ANK3: variants seen among roughly 807,000 people sequenced by gnomAD.
ANK3 encodes the protein ankyrin-3.
A neutral mutation model predicts 370.9 loss-of-function variants in ANK3; 57 were observed. That is an observed-to-expected ratio of 0.15 (90% CI 0.12 to 0.19). The LOEUF is 0.19. ANK3 is among the 10% of genes least tolerant of loss of function. The pLI is 1.00. For missense variants in ANK3, 4,439 were observed against 5,302.1 expected (o/e 0.84, Z 5.06); for synonymous variants, 1,929 against 1,946.3 (o/e 0.99, Z 0.23).
rs546980765 is a variant in ANK3, at chr10:60,105,892, C to T, written c.3328+13G>A. 12 of 1,597,268 alleles carry T rather than the reference C, an allele frequency of 7.5e-6. No homozygotes were observed. Among genetic ancestry groups the T allele is most frequent in the African/African-American group, 5.4e-5 (4 of 73,888 alleles). ...TGCAGACATTTACAGAACCAAGGAG[C>T]CATCATTATTACCTTCATCCATGCC... On this transcript the variant is annotated intron_variant, in intron 28 of 43. Transcript: ENST00000280772.
intron 1 of ANK3, among the ~76,000 whole-genome samples, chr10:60,693,748 G>C (rs549399639): frequency 6.6e-6 from 1 of 152,150 alleles, no homozygotes; most frequent in Admixed American, 6.5e-5. Flanking sequence ...AAACCCATCT[G>C]TACATCACCA....
chr10:60,156,596 T>C (rs1160235587), intron 23 of ANK3, among the ~76,000 whole-genome samples: 2 of 152,156 alleles, frequency 1.3e-5, no homozygotes, highest in Non-Finnish European at 2.9e-5. Context: ...TGACTTCCTT[T>C]GCCAGAAAGA....
chr10:60,389,901 C>T (rs1329503074), upstream of ANK3: 4 of 971,106 alleles, frequency 4.1e-6, no homozygotes, highest in Non-Finnish European at 4.9e-6. Flanking sequence ...GGGAATGCTG[C>T]AAAGGATGCT....
At chr10:60,731,399 G>A (rs1253917495) in intron 1 of ANK3, among the ~76,000 whole-genome samples, 1 of 152,112 alleles carries the variant, frequency 6.6e-6, no homozygotes, top group Non-Finnish European at 1.5e-5. Flanking sequence ...TATCTGCTAT[G>A]GAGTGTAACA....
chr10:60,643,994 C>T (rs1470247978), intron 1 of ANK3, among the ~76,000 whole-genome samples: 1 of 152,260 alleles, frequency 6.6e-6, no homozygotes, highest in Non-Finnish European at 1.5e-5. Flanking sequence ...AAAAATATCC[C>T]CTCCTGGCCC....
At chr10:60,121,675 G>A (rs1460953958) in intron 25 of ANK3, among the ~76,000 whole-genome samples, 1 of 127,596 alleles carries the variant, frequency 7.8e-6, no homozygotes, top group East Asian at 2.4e-4. Flanking sequence ...TAGGTGAGAG[G>A]GCCAGACCCT....
chr10:60,251,771 C>G (rs748498987), intron 7 of ANK3, among the ~76,000 whole-genome samples: 1 of 152,184 alleles, frequency 6.6e-6, no homozygotes, highest in African/African-American at 2.4e-5. Flanking sequence ...TCATAATTCA[C>G]CTTATACACT....
intron 7 of ANK3, among the ~76,000 whole-genome samples, chr10:60,258,643 T>C (rs1436241452): frequency 6.6e-6 from 1 of 152,184 alleles, no homozygotes; most frequent in African/African-American, 2.4e-5. Context: ...GAACATCTAT[T>C]GCATGCAGGA....
chr10:60,304,202 C>A (rs1419486990), intron 1 of ANK3, among the ~76,000 whole-genome samples: 1 of 151,360 alleles, frequency 6.6e-6, no homozygotes, highest in Non-Finnish European at 1.5e-5. Flanking sequence ...ATATAGTTAA[C>A]CATGCTTTAT....
chr10:60,389,751 C>T lies in ANK3; in HGVS notation c.-213G>A, dbSNP rs1195893685. On this transcript the variant is annotated 5_prime_UTR_variant, in exon 1 of 44. Transcript: ENST00000280772. ...TGTCCGGACTTCATCCTACACCTTC[C>T]TCTACCTGAACCTTTACAGGAGAGT... is the stretch of plus-strand genomic sequence containing the variant. The T allele has an allele frequency of 4.3e-6, 6 of 1,405,950 alleles. No homozygotes were observed. The highest frequency in any genetic ancestry group is 5.5e-6 in the Non-Finnish European group (6 of 1,084,186). 87.1% of individuals were successfully genotyped at this position (1,405,950 alleles called of 1,614,324 possible).
chr10:60,473,585 A>C (rs954716252), intron 2 of ANK3, among the ~76,000 whole-genome samples: 3 of 152,178 alleles, frequency 2.0e-5, no homozygotes, highest in African/African-American at 7.2e-5. Flanking sequence ...TAAGAAAAGG[A>C]CAACTTTCCT....
chr10:60,375,047 A>G (rs2060591354), intron 1 of ANK3, among the ~76,000 whole-genome samples: 1 of 152,202 alleles, frequency 6.6e-6, no homozygotes. Context: ...ACACGCACAG[A>G]AAAACATTGA....
chr10:60,244,627 C>A (rs1050448640), intron 7 of ANK3, among the ~76,000 whole-genome samples: 4 of 152,086 alleles, frequency 2.6e-5, no homozygotes, highest in Non-Finnish European at 5.9e-5. Context: ...TTTATGTTTT[C>A]TCATTCTATT....
At chr10:60,286,075 CAT>C (rs919364140) in intron 1 of ANK3, among the ~76,000 whole-genome samples, 1 of 152,046 alleles carries the variant, frequency 6.6e-6, no homozygotes, top group African/African-American at 2.4e-5. Flanking sequence ...ATACATAAAA[CAT>C]ATATGAACAG....
At position 60,660,331 on chromosome 10, in the gene ANK3, CAG is replaced by C. The variant is rs576135254; in HGVS notation, c.58-45109_58-45108del. Among the ~76,000 whole-genome samples, 102 of 152,234 alleles carry C rather than the reference CAG, an allele frequency of 6.7e-4. No homozygotes were observed. The South Asian group carries it at 0.02, about 30-fold the overall frequency. On this transcript the variant is annotated intron_variant, in intron 1 of 43. Coordinates refer to the ANK3 transcript ENST00000373827. ...GGCACTGCTCTAGGCACTAAGGATG[CAG>C]AGAGTCTTCAAATAGCAGCATCTCT...
chr10:60,300,136 C>T (rs868257040), intron 1 of ANK3, among the ~76,000 whole-genome samples: 7 of 152,096 alleles, frequency 4.6e-5, no homozygotes, highest in African/African-American at 7.2e-5. Flanking sequence ...GAGTCCGGAT[C>T]GGAACAAAAC....
intron 23 of ANK3, among the ~76,000 whole-genome samples, chr10:60,146,278 G>A (rs2094819086): frequency 6.6e-6 from 1 of 152,202 alleles, no homozygotes; most frequent in Non-Finnish European, 1.5e-5. Context: ...AACAAGGCAG[G>A]AAGAAGGAGA....
intron 2 of ANK3, among the ~76,000 whole-genome samples, chr10:60,471,290 G>A (rs778228045): frequency 3.3e-5 from 5 of 151,992 alleles, no homozygotes; most frequent in East Asian, 1.9e-4. Context: ...AAACAAAAAC[G>A]TATATACACA....
chr10:60,341,219 G>T (rs1045304953), intron 1 of ANK3, among the ~76,000 whole-genome samples: 1 of 152,096 alleles, frequency 6.6e-6, no homozygotes, highest in Non-Finnish European at 1.5e-5. Context: ...TCTTGAGAAA[G>T]TATAAAAAAT....
Sources: gnomAD v4.1 joint callset for allele counts (sites outside exome capture counted in the v4.1 genomes callset) on GRCh38, gnomAD v4.1.1 for gene constraint, MANE v1.5 for transcripts, NCBI Gene and HGNC (gene_info 2026-07-23, HGNC 2026-07-21) for gene names.